Variants in LDB2 observed in about 807,000 individuals in gnomAD.
The protein encoded by LDB2 is LIM domain-binding protein 2.
LDB2 carries 12 observed loss-of-function variants against 44.3 expected under a neutral mutation model. That is an observed-to-expected ratio of 0.27 (90% CI 0.17 to 0.44). LDB2 has a LOEUF of 0.44. LDB2 is among the 20% of genes least tolerant of loss of function. The pLI is 1.00. For missense variants in LDB2, 344 were observed against 473.5 expected, an observed-to-expected ratio of 0.73 and a Z score of 2.54; for synonymous variants, 164 against 174.8, an observed-to-expected ratio of 0.94 and a Z score of 0.49.
chr4:16,612,541 C>T (rs551863706), intron 2 of LDB2, among the ~76,000 whole-genome samples: 5 of 152,036 alleles, frequency 3.3e-5, no homozygotes, highest in Non-Finnish European at 7.4e-5. Context: ...TAAACACTGA[C>T]ACCACAGAAA....
chr4:16,789,207 G>A (rs1054770830), intron 1 of LDB2, among the ~76,000 whole-genome samples: 2 of 152,194 alleles, frequency 1.3e-5, no homozygotes, highest in East Asian at 1.9e-4. Flanking sequence ...AGATGCTGGA[G>A]AGCTACTCCA....
chr4:16,882,584 C>T (rs1033248621), intron 1 of LDB2, among the ~76,000 whole-genome samples: 6 of 152,154 alleles, frequency 3.9e-5, no homozygotes, highest in Non-Finnish European at 5.9e-5. Flanking sequence ...GGTTAAGCTC[C>T]TTGGAAATAC....
chr4:16,847,906 G>A (rs921507625), intron 1 of LDB2, among the ~76,000 whole-genome samples: 3 of 152,160 alleles, frequency 2.0e-5, no homozygotes, highest in East Asian at 1.9e-4. Flanking sequence ...GTGAGCCACC[G>A]CGCCCAGCCT....
At chr4:16,783,250 G>C (rs1773688420) in intron 1 of LDB2, among the ~76,000 whole-genome samples, 1 of 152,216 alleles carries the variant, frequency 6.6e-6, no homozygotes, top group South Asian at 2.1e-4. Context: ...AGAGCTCCAA[G>C]TCATAGAAGA....
At chr4:16,788,498 G>A (rs192281939) in intron 1 of LDB2, among the ~76,000 whole-genome samples, 10 of 152,314 alleles carry the variant, frequency 6.6e-5, no homozygotes, top group East Asian at 3.9e-4. Context: ...GTGTCTGAGC[G>A]AAACCAAGAG....
At chr4:16,861,410 C>A (rs1219551837) in intron 1 of LDB2, among the ~76,000 whole-genome samples, 1 of 152,132 alleles carries the variant, frequency 6.6e-6, no homozygotes, top group East Asian at 1.9e-4. Context: ...GTCCCCCACC[C>A]CAAGTTGTGA....
intron 2 of LDB2, among the ~76,000 whole-genome samples, chr4:16,709,881 T>C (rs576699486): frequency 2.6e-5 from 4 of 152,272 alleles, no homozygotes; most frequent in African/African-American, 2.4e-5. Flanking sequence ...CCAGGTTCTC[T>C]ACCTGGCCAA....
At chr4:16,880,096 T>A (rs1280235138) in intron 1 of LDB2, among the ~76,000 whole-genome samples, 1 of 151,990 alleles carries the variant, frequency 6.6e-6, no homozygotes, top group African/African-American at 2.4e-5. Flanking sequence ...AATCCTACAA[T>A]CCCTTATCAA....
In LDB2 at chr4:16,566,717, A is replaced by G. The variant is rs796698717; in HGVS notation, c.615+19205T>C. Among the ~76,000 whole-genome samples, 26 of 152,308 alleles carry G rather than the reference A, an allele frequency of 1.7e-4. 1 individual carries two copies. The highest frequency in any genetic ancestry group is 5.0e-4 in the African/African-American group (21 of 41,598). ...TATTCAATGGAAAGCAAACTTAAAAAAAGAACTTATGAGCTTGTAATGCAA... is the reference window on the plus strand; with the variant it reads ...TATTCAATGGAAAGCAAACTTAAAAGAAGAACTTATGAGCTTGTAATGCAA... On this transcript the variant is annotated intron_variant, in intron 5 of 7. Coordinates refer to ENST00000304523, the MANE Select transcript of LDB2 (RefSeq NM_001290.5).
chr4:16,878,160 G>T (rs1718982296), intron 1 of LDB2, among the ~76,000 whole-genome samples: 1 of 152,172 alleles, frequency 6.6e-6, no homozygotes, highest in African/African-American at 2.4e-5. Context: ...AGGCAGAGGA[G>T]GCCATGGAGA....
At chr4:16,725,874 T>C (rs1759318915) in intron 2 of LDB2, among the ~76,000 whole-genome samples, 1 of 117,246 alleles carries the variant, frequency 8.5e-6, no homozygotes, top group African/African-American at 3.3e-5. Flanking sequence ...TGCATGTATA[T>C]ATATATTTAT....
In LDB2 at chr4:16,895,758, C is replaced by T. The variant is rs62298225; in HGVS notation, c.132+2596G>A. Among the ~76,000 whole-genome samples the T allele has an allele frequency of 4.3e-3, 659 of 152,236 alleles. 5 individuals carry two copies. The highest frequency in any genetic ancestry group is 7.3e-3 in the Non-Finnish European group (499 of 68,024). On this transcript the variant is annotated intron_variant, in intron 1 of 7. Transcript: ENST00000304523. ...CATGTGAATAAACTAATAACTCTTG[C>T]TGAGTATCATTGTATTTTATCCCAA...
chr4:16,534,047 T>C (rs1730947739), intron 5 of LDB2, among the ~76,000 whole-genome samples: 1 of 152,190 alleles, frequency 6.6e-6, no homozygotes, highest in African/African-American at 2.4e-5. Context: ...CGATCTGATT[T>C]TAGCTCTCAA....
At chr4:16,697,110 T>C (rs139528259) in intron 2 of LDB2, among the ~76,000 whole-genome samples, 1,709 of 152,114 alleles carry the variant, frequency 0.011, 34 homozygotes, top group Non-Finnish European at 0.013. Flanking sequence ...TTAGTAAGAA[T>C]AAATTACAAG....
intron 2 of LDB2, among the ~76,000 whole-genome samples, chr4:16,637,032 AT>A (rs1733791626): frequency 6.6e-6 from 1 of 152,182 alleles, no homozygotes; most frequent in Non-Finnish European, 1.5e-5. Context: ...ATCACAAACA[AT>A]TTAGGTGCGG....
intron 1 of LDB2, among the ~76,000 whole-genome samples, chr4:16,828,803 T>A (rs17814899): frequency 0.2 from 29,680 of 152,112 alleles, 3,192 homozygotes; most frequent in Non-Finnish European, 0.23. Context: ...ATGAGTGAGA[T>A]CATTCAATGA....
intron 2 of LDB2, among the ~76,000 whole-genome samples, chr4:16,605,342 C>G (rs1723634828): frequency 1.3e-5 from 2 of 152,140 alleles, no homozygotes; most frequent in Non-Finnish European, 2.9e-5. Context: ...AACTACATAG[C>G]TTACTTGGAG....
chr4:16,762,943 A>C (rs1380919989), intron 1 of LDB2, among the ~76,000 whole-genome samples: 1 of 152,136 alleles, frequency 6.6e-6, no homozygotes, highest in East Asian at 1.9e-4. Flanking sequence ...CAGAAGTTGA[A>C]AGAGACATAA....
intron 2 of LDB2, among the ~76,000 whole-genome samples, chr4:16,609,491 C>T (rs1277851109): frequency 6.6e-6 from 1 of 152,182 alleles, no homozygotes. Context: ...ATTTCTATAG[C>T]TCCAGGCTGT....
Sources: allele counts gnomAD v4.1 joint callset (sites outside exome capture counted in the v4.1 genomes callset), GRCh38; gene constraint gnomAD v4.1.1; transcripts MANE v1.5; gene names NCBI Gene and HGNC (gene_info 2026-07-23, HGNC 2026-07-21).